The following ATP6V1H variants were observed in gnomAD, a reference collection of about 807,000 sequenced individuals.
ATP6V1H encodes ATPase H+ transporting V1 subunit H.
In ATP6V1H, 39 loss-of-function variants were observed where a neutral mutation model predicts 71.7. The ratio of observed to expected loss-of-function variants is 0.54; its 90% CI spans 0.42 to 0.71. The LOEUF (loss-of-function observed/expected upper bound fraction) is 0.71, where lower values mean the gene tolerates loss of function less well. ATP6V1H is among the 30% of genes least tolerant of loss of function. ATP6V1H has a pLI of 0.00. For missense variants in ATP6V1H, 509 were observed against 594.9 expected (o/e 0.86, Z 1.50); for synonymous variants, 192 against 199.3 (o/e 0.96, Z 0.31).
At chr8:53,720,018 C>A (rs1000611703) in intron 13 of ATP6V1H, among the ~76,000 whole-genome samples, 1 of 152,144 alleles carries the variant, frequency 6.6e-6, no homozygotes, top group Non-Finnish European at 1.5e-5. Context: ...ATATCTAGAA[C>A]AAAGGATGCA....
At chr8:53,766,386 T>C (rs1808465921) in intron 11 of ATP6V1H, among the ~76,000 whole-genome samples, 1 of 152,262 alleles carries the variant, frequency 6.6e-6, no homozygotes, top group Non-Finnish European at 1.5e-5. Context: ...GGAGGATGTA[T>C]ATCGTCTCAG....
In ATP6V1H at chr8:53,766,721, A is replaced by T. The variant is rs191908335; in HGVS notation, c.1175+2897T>A. Reference sequence around the variant, plus strand: ...TTATGGTTGAGACTGCAGAGGTGAAATAAACTCCAGTCTCCCATAGCGTTC... The same window carrying T: ...TTATGGTTGAGACTGCAGAGGTGAATTAAACTCCAGTCTCCCATAGCGTTC... On this transcript the variant is annotated intron_variant, in intron 11 of 13. Transcript: ENST00000359530. Among the ~76,000 whole-genome samples, 328 of 152,286 alleles carry T rather than the reference A, an allele frequency of 2.2e-3. 1 individual carries two copies. The highest frequency in any genetic ancestry group is 6.3e-3 in the African/African-American group (261 of 41,556).
At chr8:53,716,130 C>T in intron 13 of ATP6V1H, 106 bp from the exon 14 acceptor site, 2 of 815,842 alleles carry the variant, frequency 2.5e-6, no homozygotes, top group Non-Finnish European at 3.8e-6. Context: ...CTTTAACATC[C>T]AAAAATAACT....
intron 13 of ATP6V1H, among the ~76,000 whole-genome samples, chr8:53,720,593 A>C (rs1003336150): frequency 6.6e-6 from 1 of 152,244 alleles, no homozygotes; most frequent in Non-Finnish European, 1.5e-5. Context: ...TTAGTTGCTT[A>C]AAGACTCAAA....
At chr8:53,841,552 A>G (rs756550508) in intron 2 of ATP6V1H, 26 bp downstream of exon 2, 16 of 1,612,242 alleles carry the variant, frequency 9.9e-6, no homozygotes, top group Non-Finnish European at 1.4e-5. Context: ...ATGACTGTCC[A>G]TGATTCACAG....
intron 9 of ATP6V1H, among the ~76,000 whole-genome samples, chr8:53,784,127 T>C (rs1809276754): frequency 6.6e-6 from 1 of 152,202 alleles, no homozygotes; most frequent in Non-Finnish European, 1.5e-5. Context: ...ATCTGTCTAA[T>C]GTTGACAGTG....
intron 8 of ATP6V1H, 107 bp from the exon 9 acceptor site, chr8:53,795,946 T>G: frequency 1.0e-6 from 1 of 993,756 alleles, no homozygotes; most frequent in African/African-American, 1.6e-5. Flanking sequence ...CTGAATTATG[T>G]CCTGTTTCTT....
intron 5 of ATP6V1H, 125 bp downstream of exon 5, chr8:53,817,292 C>A (rs751723098): frequency 1.9e-6 from 1 of 537,468 alleles, no homozygotes. Context: ...AATCCCAGCA[C>A]TTTGGGAGGC....
intron 9 of ATP6V1H, among the ~76,000 whole-genome samples, chr8:53,785,676 C>A (rs1809354825): frequency 6.6e-6 from 1 of 152,084 alleles, no homozygotes; most frequent in Non-Finnish European, 1.5e-5. Context: ...GTTTTATCCA[C>A]CTTTGGTCTT....
At chr8:53,798,503 ACT>A (rs1426739370) in intron 8 of ATP6V1H, among the ~76,000 whole-genome samples, 1 of 149,674 alleles carries the variant, frequency 6.7e-6, no homozygotes, top group Non-Finnish European at 1.5e-5. Flanking sequence ...CCTGGGTGAG[ACT>A]CTGTCTCAGA....
At chr8:53,721,116 A>C (rs1806594647) in intron 13 of ATP6V1H, among the ~76,000 whole-genome samples, 1 of 152,212 alleles carries the variant, frequency 6.6e-6, no homozygotes, top group Non-Finnish European at 1.5e-5. Context: ...TTTATAATAC[A>C]GATTTATATT....
chr8:53,756,636 T>G lies in ATP6V1H; in HGVS notation c.1196A>C (p.Glu399Ala). ...TAAGACTTGGGGATCATCTGACACTTCCAAAAGTTTTGTCAAGATTCTGAA... is the reference window on the plus strand; with the variant it reads ...TAAGACTTGGGGATCATCTGACACTGCCAAAAGTTTTGTCAAGATTCTGAA... ...ELLKILTKLL[E>A]VSDDPQVLAV... is the part of the protein sequence containing the mutation. Residue 399 changes from glutamate (E) to alanine (A), a missense_variant, in exon 12 of 14, where the codon GAA becomes GCA. Transcript: ENST00000359530. 1 of 1,613,780 alleles carries G rather than the reference T, an allele frequency of 6.2e-7. No individual in the cohort carries two copies. Among genetic ancestry groups the G allele is most frequent in the Non-Finnish European group, 8.5e-7 (1 of 1,179,806 alleles).
intron 11 of ATP6V1H, 97 bp from the exon 12 acceptor site, chr8:53,756,753 C>G (rs372255570): frequency 1.8e-5 from 13 of 723,408 alleles, no homozygotes; most frequent in East Asian, 1.7e-4. Context: ...TGAAAATAGA[C>G]ATTTATTAAT....
At chr8:53,752,103 A>G (rs1204881653) in intron 12 of ATP6V1H, among the ~76,000 whole-genome samples, 1 of 152,192 alleles carries the variant, frequency 6.6e-6, no homozygotes, top group African/African-American at 2.4e-5. Context: ...ATTATTTTTT[A>G]AGATAACTGA....
chr8:53,747,681 A>C (rs1807655615), intron 12 of ATP6V1H, among the ~76,000 whole-genome samples: 1 of 151,946 alleles, frequency 6.6e-6, no homozygotes, highest in Non-Finnish European at 1.5e-5. Context: ...CTGGGATTAC[A>C]GGTGCATGCC....
intron 2 of ATP6V1H, among the ~76,000 whole-genome samples, chr8:53,835,071 C>T (rs1013835554): frequency 2.6e-5 from 4 of 152,076 alleles, no homozygotes; most frequent in African/African-American, 9.7e-5. Context: ...TCACTTGAAC[C>T]CAGGAGGCAG....
At chr8:53,822,906 A>G (rs898585212) in intron 4 of ATP6V1H, among the ~76,000 whole-genome samples, 1 of 152,344 alleles carries the variant, frequency 6.6e-6, no homozygotes, top group African/African-American at 2.4e-5. Context: ...GACACTTTTA[A>G]TGATAAATGC....
intron 9 of ATP6V1H, among the ~76,000 whole-genome samples, chr8:53,789,725 A>C (rs1461149526): frequency 3.3e-5 from 5 of 151,314 alleles, no homozygotes; most frequent in Non-Finnish European, 7.4e-5. Flanking sequence ...TTAAAAGCCT[A>C]TAACAAGAAA....
At chr8:53,719,216 G>A (rs1350525437) in intron 13 of ATP6V1H, among the ~76,000 whole-genome samples, 1 of 152,072 alleles carries the variant, frequency 6.6e-6, no homozygotes, top group Admixed American at 6.6e-5. Context: ...TATTGCCCAG[G>A]CTGGAGTGCA....
Sources: allele counts gnomAD v4.1 joint callset (sites outside exome capture counted in the v4.1 genomes callset), GRCh38; gene constraint gnomAD v4.1.1; transcripts MANE v1.5; gene names NCBI Gene and HGNC (gene_info 2026-07-23, HGNC 2026-07-21).